MAP3K1: variants seen among roughly 807,000 people sequenced by gnomAD.
MAP3K1 encodes the protein MAP/ERK kinase kinase 1.
In MAP3K1, 36 loss-of-function variants were observed where a neutral mutation model predicts 144.2. The observed-to-expected ratio is 0.25, with a 90% CI of 0.19 to 0.33. The LOEUF (loss-of-function observed/expected upper bound fraction) is 0.33, where lower values mean the gene tolerates loss of function less well. Among genes scored for constraint, MAP3K1 ranks in the 10% least tolerant of loss-of-function variants. MAP3K1 has a pLI of 1.00. For missense variants in MAP3K1, 1,650 were observed against 1,881.9 expected (o/e 0.88, Z 2.28); for synonymous variants, 718 against 688.7 (o/e 1.04, Z -0.67).
chr5:56,840,017 A>ATAGAAACTT (rs1746764971), intron 1 of MAP3K1, among the ~76,000 whole-genome samples: 1 of 152,372 alleles, frequency 6.6e-6, no homozygotes, highest in African/African-American at 2.4e-5. Context: ...GAAATATGCC[A>ATAGAAACTT]TAGAAACTTT....
At chr5:56,871,879 G>A (rs773036728) in intron 6 of MAP3K1, 31 bp from the exon 7 acceptor site, 4 of 1,608,316 alleles carry the variant, frequency 2.5e-6, no homozygotes, top group Non-Finnish European at 3.4e-6. Flanking sequence ...ATTCTTTTAT[G>A]CTTAATACTT....
rs1337673679 is a variant in MAP3K1, at chr5:56,816,036, C to G, written c.463C>G (p.Pro155Ala). ...EKRAPAAEPS[P>A]AAAPAGREME... Reference sequence around the variant, plus strand: ...GCGGGCGCCCGCCGCCGAGCCGTCTCCTGCAGCGGCCCCCGCCGGGTGAGC... The same window carrying G: ...GCGGGCGCCCGCCGCCGAGCCGTCTGCTGCAGCGGCCCCCGCCGGGTGAGC... Residue 155 changes from proline to alanine, a missense_variant, in exon 1 of 20, where the codon CCT (proline) becomes GCT (alanine). Around this residue, in one of 6 missense-constraint regions of MAP3K1, gnomAD observed 360 missense variants for 274.7 expected, o/e 1.31. Coordinates refer to ENST00000399503, the MANE Select transcript of MAP3K1 (RefSeq NM_005921.2). 18 of 1,218,786 alleles carry G rather than the reference C, an allele frequency of 1.5e-5. No individual in the cohort carries two copies. Among genetic ancestry groups the G allele is most frequent in the Non-Finnish European group, 1.8e-5 (18 of 981,104 alleles). 75.5% of individuals were successfully genotyped at this position (1,218,786 alleles called of 1,614,324 possible).
chr5:56,873,466 G>A (rs1411651362), intron 9 of MAP3K1, among the ~76,000 whole-genome samples: 1 of 152,106 alleles, frequency 6.6e-6, no homozygotes, highest in Admixed American at 6.5e-5. Flanking sequence ...ATATGTGATG[G>A]TTACCTTGAG....
intron 1 of MAP3K1, 27 bp downstream of exon 1, chr5:56,816,082 G>C (rs1745946392): frequency 1.2e-5 from 14 of 1,206,886 alleles, no homozygotes; most frequent in Non-Finnish European, 1.3e-5. Flanking sequence ...GGGTCGCGGC[G>C]GGGACTTGGA....
intron 14 of MAP3K1, among the ~76,000 whole-genome samples, chr5:56,883,163 C>A (rs1359740659): frequency 1.3e-5 from 2 of 152,150 alleles, no homozygotes; most frequent in Non-Finnish European, 2.9e-5. Context: ...TGTACTCTAG[C>A]CTGAATGACA....
At chr5:56,879,127 C>T (rs761243833) in intron 11 of MAP3K1, 26 bp downstream of exon 11, 4 of 1,613,654 alleles carry the variant, frequency 2.5e-6, no homozygotes, top group Middle Eastern at 1.7e-4. Flanking sequence ...TGAATCACTT[C>T]AAACCCTCTT....
intron 19 of MAP3K1, among the ~76,000 whole-genome samples, chr5:56,889,559 C>G (rs1748485528): frequency 2.0e-5 from 3 of 152,182 alleles, no homozygotes; most frequent in African/African-American, 7.2e-5. Flanking sequence ...CCATTCTCTC[C>G]TTTTCCACCA....
intron 1 of MAP3K1, chr5:56,851,904 T>A (rs1289068141): frequency 6.6e-6 from 1 of 152,246 alleles, no homozygotes; most frequent in Non-Finnish European, 1.5e-5. Flanking sequence ...AGAGGGAACT[T>A]GTCCTGGAAG....
chr5:56,828,564 A>G (rs1746387853), intron 1 of MAP3K1, among the ~76,000 whole-genome samples: 1 of 152,256 alleles, frequency 6.6e-6, no homozygotes, highest in Admixed American at 6.5e-5. Flanking sequence ...ATGTTTGTCA[A>G]GCAACATTAA....
chr5:56,893,845 G>A lies in MAP3K1; in HGVS notation c.*165G>A. ...GTATGTGATTGACAAATCATGATCT[G>A]TACCTAAGCTCAGTATGCAAAAGCC... On this transcript the variant is annotated 3_prime_UTR_variant, in exon 20 of 20. Transcript: ENST00000399503. The A allele has an allele frequency of 1.4e-6, 1 of 736,324 alleles. No individual in the cohort carries two copies. The highest frequency in any genetic ancestry group is 2.2e-5 in the Admixed American group (1 of 45,398). The allele number at this position is 736,324 out of a possible 1,614,324, so 45.6% of individuals were successfully genotyped here. A position where few individuals can be genotyped will look rare whatever the true frequency, so the allele number is the denominator to read the frequency against.
intron 10 of MAP3K1, among the ~76,000 whole-genome samples, chr5:56,876,120 T>G (rs1454937562): frequency 6.8e-6 from 1 of 147,728 alleles, no homozygotes; most frequent in Non-Finnish European, 1.5e-5. Flanking sequence ...TATGTCTCTT[T>G]AGGGCTTCTC....
At position 56,895,723 on chromosome 5, in the gene MAP3K1, T is replaced by G. The variant is rs1748683917; in HGVS notation, c.*2043T>G. ...TGTGATGTAATATTCTTATTTTCTT[T>G]GGATCAAAGCTGGACTGGAAATTGT... is the stretch of plus-strand genomic sequence containing the variant. On this transcript the variant is annotated 3_prime_UTR_variant, in exon 20 of 20. Transcript: ENST00000399503. 2 of 232,286 alleles carry G rather than the reference T, an allele frequency of 8.6e-6. No homozygotes were observed. Among genetic ancestry groups the G allele is most frequent in the Non-Finnish European group, 1.7e-5 (2 of 117,476 alleles). The allele number at this position is 232,286 out of a possible 1,614,324, so 14.4% of individuals were successfully genotyped here.
chr5:56,859,469 A>G (rs912968270), intron 2 of MAP3K1, among the ~76,000 whole-genome samples: 35 of 152,202 alleles, frequency 2.3e-4, no homozygotes, highest in African/African-American at 8.2e-4. Context: ...ATGCATTACA[A>G]AATTGTAAGG....
At chr5:56,873,874 A>G (rs567923548) in intron 9 of MAP3K1, among the ~76,000 whole-genome samples, 3 of 152,294 alleles carry the variant, frequency 2.0e-5, no homozygotes, top group African/African-American at 4.8e-5. Context: ...TATTAAACAC[A>G]TTCTTGTACC....
At chr5:56,889,057 A>G (rs1253849138) in intron 19 of MAP3K1, among the ~76,000 whole-genome samples, 1 of 152,242 alleles carries the variant, frequency 6.6e-6, no homozygotes, top group African/African-American at 2.4e-5. Context: ...GTTTATATGT[A>G]TATGTATGTG....
At position 56,884,573 on chromosome 5, in the gene MAP3K1, G is replaced by A. The variant is rs1748322473; in HGVS notation, c.3820-91G>A. ...TCCATAAGCATAAATGCCATCTGTTGCTAATAAAGTGCTAGTTTGCATTTG... is the reference window on the plus strand; with the variant it reads ...TCCATAAGCATAAATGCCATCTGTTACTAATAAAGTGCTAGTTTGCATTTG... On this transcript the variant is annotated intron_variant, in intron 15 of 19. Transcript: ENST00000399503. 4 of 1,200,988 alleles carry A rather than the reference G, an allele frequency of 3.3e-6. No individual in the cohort carries two copies. In the East Asian group the frequency reaches 7.4e-5, roughly 22 times the overall value. The allele number at this position is 1,200,988 out of a possible 1,614,324, so 74.4% of individuals were successfully genotyped here. A position where few individuals can be genotyped will look rare whatever the true frequency, so the allele number is the denominator to read the frequency against.
intron 1 of MAP3K1, among the ~76,000 whole-genome samples, chr5:56,846,805 A>G (rs1360109248): frequency 1.3e-5 from 2 of 152,178 alleles, no homozygotes; most frequent in Non-Finnish European, 2.9e-5. Context: ...ATTTAGTTTC[A>G]TTATTGTATA....
intron 1 of MAP3K1, among the ~76,000 whole-genome samples, chr5:56,855,224 TC>T (rs1453999502): frequency 2.0e-5 from 3 of 151,592 alleles, no homozygotes; most frequent in Non-Finnish European, 2.9e-5. Context: ...CTTCTACACA[TC>T]CCCTAATATT....
chr5:56,826,289 G>A (rs746108173), intron 1 of MAP3K1, among the ~76,000 whole-genome samples: 11 of 152,110 alleles, frequency 7.2e-5, no homozygotes, highest in South Asian at 2.1e-4. Flanking sequence ...GAATTCTGCC[G>A]AGCTCTGGTT....
Sources: gnomAD v4.1 joint callset for allele counts (sites outside exome capture counted in the v4.1 genomes callset) on GRCh38, gnomAD v4.1.1 for gene constraint, gnomAD v4.1.1 regional missense constraint, MANE v1.5 for transcripts, NCBI Gene and HGNC (gene_info 2026-07-23, HGNC 2026-07-21) for gene names.